The following ZNF423 variants were observed in gnomAD, a reference collection of about 807,000 sequenced individuals.
ZNF423 encodes the protein zinc finger protein 423, also known as Ebf-associated zinc finger protein.
In ZNF423, 12 loss-of-function variants were observed where a neutral mutation model predicts 95.8. The observed-to-expected ratio is 0.13, with a 90% CI of 0.08 to 0.20. ZNF423 has a LOEUF of 0.20. Ranked by LOEUF, ZNF423 falls within the 10% of genes least tolerant of loss-of-function variation. ZNF423 has a pLI of 1.00. For synonymous variants in ZNF423, 749 were observed against 711.9 expected, an observed-to-expected ratio of 1.05 and a Z score of -0.83; for missense variants, 1,316 against 1,737.1, an observed-to-expected ratio of 0.76 and a Z score of 4.31.
chr16:49,719,111 C>A (rs188667477), intron 3 of ZNF423, among the ~76,000 whole-genome samples: 1 of 152,244 alleles, frequency 6.6e-6, no homozygotes, highest in Admixed American at 6.5e-5. Context: ...ATCTTTATGC[C>A]CAACAGAATC....
At position 49,730,881 on chromosome 16, in the gene ZNF423, T is replaced by C. The variant is rs2033149734; in HGVS notation, c.191A>G (p.Glu64Gly). 9 of 1,614,206 alleles carry C rather than the reference T, an allele frequency of 5.6e-6. No homozygotes were observed. The highest frequency in any genetic ancestry group is 6.8e-6 in the Non-Finnish European group (8 of 1,180,046). ...NSVTSQEERN[E>G]DDEDMEDESI... ...TTCATCCTCCATGTCTTCATCATCC[T>C]CATTTCTCTCCTCTTGACTTGTCAC... The change falls in exon 3 of 8, where the codon GAG becomes GGG. Residue 64 changes from glutamate to glycine, a missense_variant. Physicochemically the swap from Glu to Gly is moderately conservative, Grantham distance 98 (BLOSUM62 -2). Around this residue, in one of 6 missense-constraint regions of ZNF423, gnomAD observed 155 missense variants for 170.8 expected, o/e 0.91. Transcript: ENST00000563137.
chr16:49,797,728 T>C (rs1289929615), intron 1 of ZNF423, among the ~76,000 whole-genome samples: 1 of 152,222 alleles, frequency 6.6e-6, no homozygotes, highest in Non-Finnish European at 1.5e-5. Context: ...TGATTCACCC[T>C]GACCACTTGC....
At chr16:49,516,222 T>TG (rs770666378) in intron 7 of ZNF423, among the ~76,000 whole-genome samples, 6 of 152,148 alleles carry the variant, frequency 3.9e-5, no homozygotes, top group Admixed American at 2.0e-4. Context: ...TGCCCCAATG[T>TG]GGGGTCTCCT....
chr16:49,645,795 C>T (rs777117689), intron 3 of ZNF423, among the ~76,000 whole-genome samples: 2 of 152,140 alleles, frequency 1.3e-5, no homozygotes, highest in African/African-American at 4.8e-5. Flanking sequence ...GCTATTCTAG[C>T]GATAGTGAGT....
intron 3 of ZNF423, among the ~76,000 whole-genome samples, chr16:49,692,832 G>A (rs569274576): frequency 5.3e-5 from 8 of 152,234 alleles, no homozygotes; most frequent in Non-Finnish European, 1.0e-4. Flanking sequence ...TAGATGAGAG[G>A]TGAAGAATAA....
chr16:49,769,311 C>T lies in ZNF423; in HGVS notation c.100+20176G>A, dbSNP rs533248846. On this transcript the variant is annotated intron_variant, in intron 2 of 7. Coordinates refer to ENST00000563137, the MANE Select transcript of ZNF423 (RefSeq NM_001379286.1). ...TGGAGGTTGCAGTGAGCCGAGATCG[C>T]GCCAATGCACTCCAGCCTGGGCAAC... Among the ~76,000 whole-genome samples the T allele has an allele frequency of 3.3e-5, 5 of 149,562 alleles. 1 individual carries two copies. In the South Asian group the frequency reaches 8.4e-4, roughly 25 times the overall value.
chr16:49,754,882 G>A (rs1355950639), intron 2 of ZNF423, among the ~76,000 whole-genome samples: 1 of 152,244 alleles, frequency 6.6e-6, no homozygotes, highest in Non-Finnish European at 1.5e-5. Context: ...CCCCTGGGCA[G>A]GGCACTTCCT....
At chr16:49,598,985 A>G (rs923036154) in intron 5 of ZNF423, among the ~76,000 whole-genome samples, 3 of 152,204 alleles carry the variant, frequency 2.0e-5, no homozygotes, top group African/African-American at 7.2e-5. Context: ...GAAAGGCTAC[A>G]TGGTTTCGAA....
intron 3 of ZNF423, among the ~76,000 whole-genome samples, chr16:49,666,440 C>T (rs1320877689): frequency 1.3e-5 from 2 of 152,316 alleles, no homozygotes; most frequent in African/African-American, 2.4e-5. Flanking sequence ...CACATGATCA[C>T]GTATTAAACC....
At chr16:49,509,981 C>T (rs1328101869) in intron 7 of ZNF423, among the ~76,000 whole-genome samples, 4 of 152,242 alleles carry the variant, frequency 2.6e-5, no homozygotes, top group Non-Finnish European at 5.9e-5. Context: ...GTGGTGCTAC[C>T]ATCGTCCTTC....
At chr16:49,697,758 A>G (rs1333511837) in intron 3 of ZNF423, among the ~76,000 whole-genome samples, 1 of 152,270 alleles carries the variant, frequency 6.6e-6, no homozygotes, top group Non-Finnish European at 1.5e-5. Flanking sequence ...GGTGTGTCCC[A>G]GCGTGTGCAC....
intron 2 of ZNF423, among the ~76,000 whole-genome samples, chr16:49,751,745 T>C (rs1244648047): frequency 1.3e-5 from 2 of 152,184 alleles, no homozygotes; most frequent in Non-Finnish European, 2.9e-5. Context: ...GAAGAAGCAG[T>C]ACCACCCATG....
chr16:49,551,539 C>T (rs1031095212), intron 5 of ZNF423, among the ~76,000 whole-genome samples: 3 of 152,178 alleles, frequency 2.0e-5, no homozygotes, highest in East Asian at 1.9e-4. Flanking sequence ...CAGGAGGTCC[C>T]GAGGCCAAAC....
chr16:49,660,736 G>A (rs1421630964), intron 3 of ZNF423, among the ~76,000 whole-genome samples: 1 of 152,046 alleles, frequency 6.6e-6, no homozygotes, highest in African/African-American at 2.4e-5. Context: ...CAGGAAGCAC[G>A]GACGGAGGCA....
chr16:49,735,978 T>C (rs968832058), intron 2 of ZNF423, among the ~76,000 whole-genome samples: 9 of 152,178 alleles, frequency 5.9e-5, no homozygotes, highest in Non-Finnish European at 1.0e-4. Context: ...TAGCAATGGA[T>C]AGCCGACCTT....
chr16:49,745,042 C>G (rs2033493633), intron 2 of ZNF423, among the ~76,000 whole-genome samples: 1 of 152,064 alleles, frequency 6.6e-6, no homozygotes, highest in African/African-American at 2.4e-5. Flanking sequence ...TAACTTGTCA[C>G]TTTTAATCAG....
chr16:49,852,716 T>A (rs530563975), intron 1 of ZNF423, among the ~76,000 whole-genome samples: 170 of 152,228 alleles, frequency 1.1e-3, no homozygotes, highest in Middle Eastern at 6.8e-3. Flanking sequence ...TGTTTTTTTT[T>A]AAATAAAATT....
chr16:49,584,272 C>T (rs908610357), intron 5 of ZNF423, among the ~76,000 whole-genome samples: 11 of 152,146 alleles, frequency 7.2e-5, no homozygotes, highest in Non-Finnish European at 1.5e-4. Context: ...ACTGGATATA[C>T]GAAAGAACGT....
intron 1 of ZNF423, among the ~76,000 whole-genome samples, chr16:49,827,272 A>G (rs566384701): frequency 8.2e-4 from 125 of 151,560 alleles, no homozygotes; most frequent in African/African-American, 2.9e-3. Context: ...CCTCAAACAC[A>G]CCAGACAGTC....
Sources: allele counts gnomAD v4.1 joint callset (sites outside exome capture counted in the v4.1 genomes callset), GRCh38; gene constraint gnomAD v4.1.1; regional missense constraint gnomAD v4.1.1; transcripts MANE v1.5; gene names NCBI Gene and HGNC (gene_info 2026-07-23, HGNC 2026-07-21).